DNAH10: variants seen among roughly 807,000 people sequenced by gnomAD.
The protein encoded by DNAH10 is axonemal beta dynein heavy chain 10.
A neutral mutation model predicts 506.6 loss-of-function variants in DNAH10; 348 were observed. The observed-to-expected ratio is 0.69, with a 90% confidence interval of 0.63 to 0.75. DNAH10 has a LOEUF of 0.75. Among genes scored for constraint, DNAH10 ranks in the 30% least tolerant of loss-of-function variants. The pLI, the probability that DNAH10 is intolerant of heterozygous loss-of-function variation, is 0.00. For missense variants in DNAH10, 5,179 were observed against 5,787.1 expected (o/e 0.89, Z 3.41); for synonymous variants, 2,059 against 2,198.6 (o/e 0.94, Z 1.78).
chr12:123,887,777 T>C (rs1366122467), intron 52 of DNAH10, among the ~76,000 whole-genome samples: 3 of 151,750 alleles, frequency 2.0e-5, no homozygotes, highest in Non-Finnish European at 4.4e-5. Context: ...TAGAGTCTCG[T>C]TCTGTCTTCC....
At chr12:123,935,016 C>A in intron 78 of DNAH10, 1 of 616,432 alleles carries the variant, frequency 1.6e-6, no homozygotes, top group Admixed American at 3.0e-5. Flanking sequence ...GTGGTCTAGA[C>A]TAACCAAGGG....
In DNAH10 at chr12:123,772,885, C is replaced by A; in HGVS notation, c.448C>A (p.Pro150Thr). ...GATGCATCTCCACATGCTCTGTACC[C>A]CTCTTCCCGAGGAGTTCCTGGACCA... The part of the protein sequence containing the change: ...EKMHLHMLCT[P>T]LPEEFLDQNV... Residue 150 changes from proline to threonine, a missense_variant, in exon 4 of 79, where the codon CCT becomes ACT. Pro to Thr is a conservative substitution (Grantham distance 38, BLOSUM62 -1). Coordinates refer to ENST00000673944, the MANE Select transcript of DNAH10 (RefSeq NM_001372106.1). The A allele has an allele frequency of 6.2e-7, 1 of 1,613,002 alleles. No homozygotes were observed. The highest frequency in any genetic ancestry group is 1.1e-5 in the South Asian group (1 of 90,860).
intron 30 of DNAH10, among the ~76,000 whole-genome samples, chr12:123,842,676 T>A (rs1208986466): frequency 1.3e-5 from 2 of 152,260 alleles, no homozygotes; most frequent in Admixed American, 1.3e-4. Flanking sequence ...TTTATGTGGA[T>A]ATGTTCAGTG....
At chr12:123,823,103 G>C (rs939050857) in intron 24 of DNAH10, among the ~76,000 whole-genome samples, 3 of 152,246 alleles carry the variant, frequency 2.0e-5, no homozygotes, top group Admixed American at 2.0e-4. Context: ...CACTGGCCCA[G>C]GGAATGCTGC....
At position 123,914,361 on chromosome 12, in the gene DNAH10, G is replaced by C. The variant is rs368816100; in HGVS notation, c.10385G>C (p.Arg3462Pro). ...AACGACCTGGATGAGCTGATGCACC[G>C]GCGCGTGAAGCTGCTGGGGGACTGC... ...WLNDLDELMH[R>P]RVKLLGDCLL... Residue 3462 changes from arginine (R) to proline (P), a missense_variant, in exon 61 of 79, where the codon CGG (arginine) becomes CCG (proline). Arg to Pro is a moderately radical substitution (Grantham distance 103, BLOSUM62 -2). Around this residue, in one of 3 missense-constraint regions of DNAH10, gnomAD observed 4,844 missense variants for 5,430.5 expected, o/e 0.89. Transcript: ENST00000673944. The C allele has an allele frequency of 6.2e-7, 1 of 1,613,216 alleles. No individual in the cohort carries two copies. The highest frequency in any genetic ancestry group is 2.2e-5 in the East Asian group (1 of 44,878).
Position 123,928,855 on chromosome 12 carries a change from G to GC in DNAH10, c.12306+268_12306+269insC. The GC allele has an allele frequency of 2.1e-6, 1 of 483,744 alleles. No homozygotes were observed. The allele number at this position is 483,744 out of a possible 1,614,324, so 30.0% of individuals were successfully genotyped here. The stretch of plus-strand genomic sequence containing the variant: ...CTACGCTACTTTTCATAAACTTCAC[G>GC]GCCCCCCCCCCCACACACAGCCTGC... On this transcript the variant is annotated intron_variant, in intron 70 of 78. Transcript: ENST00000673944. The surrounding 1 kb of genome is among the most constrained non-coding windows in gnomAD (Gnocchi z 4.9).
At position 123,784,183 on chromosome 12, in the gene DNAH10, C is replaced by T; in HGVS notation, c.1230+6C>T. On this transcript the variant is annotated splice_donor_region_variant and intron_variant, in intron 8 of 78. Coordinates refer to ENST00000673944, the MANE Select transcript of DNAH10 (RefSeq NM_001372106.1). Reference sequence around the variant, plus strand: ...CCGTGGAGCGTTATTTCAAGGTATGCTGGGTGTGCTGCACTTTGCAGTCAG... The same window carrying T: ...CCGTGGAGCGTTATTTCAAGGTATGTTGGGTGTGCTGCACTTTGCAGTCAG... 2 of 1,610,590 alleles carry T rather than the reference C, an allele frequency of 1.2e-6. No individual in the cohort carries two copies. Among genetic ancestry groups the T allele is most frequent in the South Asian group, 1.1e-5 (1 of 90,998 alleles).
intron 54 of DNAH10, among the ~76,000 whole-genome samples, chr12:123,895,632 A>G (rs1953183711): frequency 6.6e-6 from 1 of 152,160 alleles, no homozygotes; most frequent in Non-Finnish European, 1.5e-5. Context: ...TTACAAAAAC[A>G]GGGGGCGGGC....
intron 78 of DNAH10, 157 bp downstream of exon 78, chr12:123,934,923 T>C: frequency 5.0e-6 from 5 of 999,988 alleles, no homozygotes; most frequent in Admixed American, 2.8e-5. Flanking sequence ...AAGCTACGGA[T>C]AGCTGCTTCC....
At position 123,799,390 on chromosome 12, in the gene DNAH10, C is replaced by T. The variant is rs1171227861; in HGVS notation, c.2289+19C>T. The T allele has an allele frequency of 6.2e-7, 1 of 1,604,402 alleles. No homozygotes were observed. Among genetic ancestry groups the T allele is most frequent in the Admixed American group, 1.7e-5 (1 of 58,978 alleles). ...GACCAAGGTGCGCTGCCCACGCCCT[C>T]ATTCCCGATTGCCGCGTGAGACGAT... On this transcript the variant is annotated intron_variant, in intron 14 of 78. Coordinates refer to ENST00000673944, the MANE Select transcript of DNAH10 (RefSeq NM_001372106.1).
At position 123,871,451 on chromosome 12, in the gene DNAH10, C is replaced by T; in HGVS notation, c.7640-6C>T. 6.3e-7 allele frequency: 1 copy of T among 1,586,324 alleles called. No homozygotes were observed. Among genetic ancestry groups the T allele is most frequent in the Non-Finnish European group, 8.6e-7 (1 of 1,164,936 alleles). On this transcript the variant is annotated splice_polypyrimidine_tract_variant and splice_region_variant and intron_variant, in intron 44 of 78. Transcript: ENST00000673944. ...GAGATGCCCCTGTTCCTAATGTCTA[C>T]TTTAGTTCACACAGTGGATACCACT...
In DNAH10 at chr12:123,859,272, A is replaced by T. The variant is rs1366469510; in HGVS notation, c.6749+4A>T. Reference sequence around the variant, plus strand: ...CTCTGTGTCAGGCCCAGACCAAGTGAGTATGACCTCCGTAGGGAGGGCCTG... The same window carrying T: ...CTCTGTGTCAGGCCCAGACCAAGTGTGTATGACCTCCGTAGGGAGGGCCTG... On this transcript the variant is annotated splice_donor_region_variant and intron_variant, in intron 38 of 78. Coordinates refer to ENST00000673944, the MANE Select transcript of DNAH10 (RefSeq NM_001372106.1). 3.8e-6 allele frequency: 6 copies of T among 1,590,550 alleles called. No individual in the cohort carries two copies. The highest frequency in any genetic ancestry group is 1.4e-5 in the African/African-American group (1 of 73,900).
At chr12:123,855,564 G>A (rs760413649) in intron 36 of DNAH10, among the ~76,000 whole-genome samples, 6 of 151,096 alleles carry the variant, frequency 4.0e-5, no homozygotes, top group African/African-American at 9.7e-5. Flanking sequence ...AACCTGGGAG[G>A]TGGAGGCTGC....
rs911050912 is a variant in DNAH10, at chr12:123,846,356, G to A, written c.5814+202G>A. Among the ~76,000 whole-genome samples the A allele has an allele frequency of 2.0e-5, 3 of 152,184 alleles. No homozygotes were observed. The highest frequency in any genetic ancestry group is 7.2e-5 in the African/African-American group (3 of 41,440). On this transcript the variant is annotated intron_variant, in intron 32 of 78. Coordinates refer to ENST00000673944, the MANE Select transcript of DNAH10 (RefSeq NM_001372106.1). This position sits in a 1 kb window ranked among gnomAD's most constrained non-coding sequence, Gnocchi z 4.5. ...TAAGTGTGGCCGTGCTTAGCCACTGGTACACTGGTCCCTAGGTAATGGTGT... is the reference window on the plus strand; with the variant it reads ...TAAGTGTGGCCGTGCTTAGCCACTGATACACTGGTCCCTAGGTAATGGTGT...
intron 30 of DNAH10, among the ~76,000 whole-genome samples, chr12:123,842,572 T>C (rs1950810874): frequency 6.6e-6 from 1 of 152,270 alleles, no homozygotes; most frequent in Non-Finnish European, 1.5e-5. Context: ...TGAAAACATC[T>C]ACTTAAAAAT....
At position 123,930,514 on chromosome 12, in the gene DNAH10, T is replaced by A. The variant is rs747373472; in HGVS notation, c.12725T>A (p.Phe4242Tyr). The A allele has an allele frequency of 2.5e-6, 4 of 1,610,228 alleles. No homozygotes were observed. In the South Asian group the frequency reaches 4.4e-5, roughly 18 times the overall value. The change falls in exon 73 of 79, where the codon TTC becomes TAC. Residue 4242 changes from phenylalanine to tyrosine, a missense_variant. By Grantham distance (22) the Phe-to-Tyr change is conservative. Transcript: ENST00000673944. ...IFDTFQPFHF[F>Y]RNKEVDYKIP... ...GATACTTTCCAGCCATTCCACTTCT[T>A]CCGGAACAAGGAAGTGGACTACAAA... is the stretch of plus-strand genomic sequence containing the variant.
At chr12:123,905,537 C>T (rs1195801816) in intron 57 of DNAH10, among the ~76,000 whole-genome samples, 2 of 152,004 alleles carry the variant, frequency 1.3e-5, no homozygotes, top group East Asian at 1.9e-4. Context: ...ACAGGGGGCG[C>T]GATCACATGT....
intron 77 of DNAH10, 56 bp from the exon 78 acceptor site, chr12:123,934,565 T>C (rs1412787121): frequency 6.3e-7 from 1 of 1,599,970 alleles, no homozygotes; most frequent in Non-Finnish European, 8.5e-7. Context: ...ATAGAGCCAC[T>C]CCGTGGCAGG....
chr12:123,841,495 T>C lies in DNAH10; in HGVS notation c.5310T>C (p.Asn1770=). 6.2e-7 allele frequency: 1 copy of C among 1,613,950 alleles called. No individual in the cohort carries two copies. The highest frequency in any genetic ancestry group is 8.5e-7 in the Non-Finnish European group (1 of 1,179,880). ...TAVLNEMRRT[N]RLITKEAIFR... Reference sequence around the variant, plus strand: ...TTTTGAATGAGATGAGAAGAACTAATAGACTAATTACCAAAGAGGCTATTT... The same window carrying C: ...TTTTGAATGAGATGAGAAGAACTAACAGACTAATTACCAAAGAGGCTATTT... The change falls in exon 30 of 79, where the codon AAT becomes AAC. Residue 1770 remains asparagine (N), a synonymous_variant. Coordinates refer to ENST00000673944, the MANE Select transcript of DNAH10 (RefSeq NM_001372106.1).
Sources: gnomAD v4.1 joint callset for allele counts (sites outside exome capture counted in the v4.1 genomes callset) on GRCh38, gnomAD v4.1.1 for gene constraint, gnomAD v4.1.1 regional missense constraint, Gnocchi (gnomAD v3.1) non-coding constraint, MANE v1.5 for transcripts, NCBI Gene and HGNC (gene_info 2026-07-23, HGNC 2026-07-21) for gene names.